Variants in TMOD4 observed in about 807,000 individuals in gnomAD.
TMOD4 encodes the protein tropomodulin 4.
A neutral mutation model predicts 45.4 loss-of-function variants in TMOD4; 34 were observed. The observed-to-expected ratio is 0.75, with a 90% CI of 0.57 to 1.00. The LOEUF is 1.00. Ranked by LOEUF, TMOD4 falls within the 50% of genes least tolerant of loss-of-function variation. The probability of loss-of-function intolerance (pLI) is 0.00; values close to 1 mark genes in which losing one functional copy is unlikely to be tolerated. For missense variants in TMOD4, 399 were observed against 437.5 expected (o/e 0.91, Z 0.78); for synonymous variants, 131 against 153.9 (o/e 0.85, Z 1.10).
rs58514865 is a variant in TMOD4 at position 151,174,170 on chromosome 1, T to C, written c.280+221A>G. Among the ~76,000 whole-genome samples the C allele has an allele frequency of 1.3e-4, 19 of 151,836 alleles. No homozygotes were observed. In the East Asian group the frequency reaches 3.3e-3, roughly 26 times the overall value. On this transcript the variant is annotated intron_variant, in intron 3 of 9. Coordinates refer to ENST00000295314, the MANE Select transcript of TMOD4 (RefSeq NM_013353.3). Reference sequence around the variant, plus strand: ...GGTGGAGCTTGCAGTGAGCCGAGACTGCACCACTGCACTCCAGCCTGGGCA... The same window carrying C: ...GGTGGAGCTTGCAGTGAGCCGAGACCGCACCACTGCACTCCAGCCTGGGCA...
chr1:151,171,928 C>A (rs958331424), intron 5 of TMOD4, among the ~76,000 whole-genome samples, 165 bp from the exon 6 acceptor site: 28 of 151,896 alleles, frequency 1.8e-4, no homozygotes, highest in African/African-American at 6.8e-4. Context: ...CCTTGACCTC[C>A]CGGGTTCAAG....
In TMOD4 at chr1:151,171,269, A is replaced by G. The variant is rs112395648; in HGVS notation, c.726+164T>C. 4.4e-3 allele frequency among the ~76,000 whole-genome samples: 665 copies of G among 152,216 alleles called. 6 individuals are homozygous for G. Among genetic ancestry groups the G allele is most frequent in the African/African-American group, 0.015 (630 of 41,500 alleles). Reference sequence around the variant, plus strand: ...CAGTGGGACTAGGGGTGTTAGAGAGAGTAGAGAGTTATGAGCCATAGCACT... The same window carrying G: ...CAGTGGGACTAGGGGTGTTAGAGAGGGTAGAGAGTTATGAGCCATAGCACT... On this transcript the variant is annotated intron_variant, in intron 7 of 9. Coordinates refer to ENST00000295314, the MANE Select transcript of TMOD4 (RefSeq NM_013353.3).
At chr1:151,171,834 TTTTC>T (rs895018410) in intron 5 of TMOD4, 71 bp from the exon 6 acceptor site, 12 of 1,518,296 alleles carry the variant, frequency 7.9e-6, no homozygotes, top group East Asian at 4.5e-5. Flanking sequence ...TTTTCTTTTC[TTTTC>T]TTTTTTTTTT....
Position 151,174,421 on chromosome 1 carries a change from C to T in TMOD4, c.250G>A (p.Asp84Asn). Residue 84 changes from aspartate (D) to asparagine (N), a missense_variant, in exon 3 of 10, where the codon GAC becomes AAC. Transcript: ENST00000295314. ...TTCTCGCCTGTGAAGGGCACCAAGTCATCACGCTCTTTGACTTCTAGTGCC... is the reference window on the plus strand; with the variant it reads ...TTCTCGCCTGTGAAGGGCACCAAGTTATCACGCTCTTTGACTTCTAGTGCC... ...QQALEVKERD[D>N]LVPFTGEKKG... 2 of 1,614,130 alleles carry T rather than the reference C, an allele frequency of 1.2e-6. No individual in the cohort carries two copies. The highest frequency in any genetic ancestry group is 1.7e-6 in the Non-Finnish European group (2 of 1,180,032).
Position 151,174,475 on chromosome 1 carries a change from CT to C in TMOD4, c.195del (p.Glu66ArgfsTer12). 6.2e-7 allele frequency: 1 copy of C among 1,614,212 alleles called. No individual in the cohort carries two copies. The highest frequency in any genetic ancestry group is 8.5e-7 in the Non-Finnish European group (1 of 1,180,042). ...TKKSPTGPLDREALLQYLEQQ... is the reference protein window; with the variant it reads ...TKKSPTGPLDXEALLQYLEQQ... ...TGCTCCAAGTACTGCAAAAGGGCCT[CT>C]CGGTCCAGTGGCCCCGTTGGGCTCT... On this transcript the variant is annotated frameshift_variant, in exon 3 of 10. Transcript: ENST00000295314. LOFTEE classifies it high-confidence loss of function.
chr1:151,171,151 C>A (rs758665217), intron 7 of TMOD4, 88 bp from the exon 8 acceptor site: 11 of 1,437,976 alleles, frequency 7.6e-6, no homozygotes, highest in Non-Finnish European at 1.1e-5. Context: ...GGAAACACAG[C>A]TCTTTGAGAA....
rs757595407 is a variant in TMOD4 at position 151,172,405 on chromosome 1, T to A, written c.398-48A>T. Reference sequence around the variant, plus strand: ...TCACAGGGAATGAGAAGGAACCTGTTCCAAGCCTCCCTCCTACCTATTTCT... The same window carrying A: ...TCACAGGGAATGAGAAGGAACCTGTACCAAGCCTCCCTCCTACCTATTTCT... On this transcript the variant is annotated intron_variant, in intron 4 of 9. Transcript: ENST00000295314. 7.1e-6 allele frequency: 10 copies of A among 1,406,828 alleles called. No homozygotes were observed. In the South Asian group the frequency reaches 1.2e-4, roughly 16 times the overall value. The allele number at this position is 1,406,828 out of a possible 1,614,324, so 87.1% of individuals were successfully genotyped here.
intron 5 of TMOD4, 70 bp from the exon 6 acceptor site, chr1:151,171,833 CTTTTCTTTTTTTTTT>C (rs1407883205): frequency 6.8e-7 from 1 of 1,468,470 alleles, no homozygotes; most frequent in Non-Finnish European, 9.0e-7. Context: ...GTTTTCTTTT[CTTTTCTTTTTTTTTT>C]TTTTTGAGAT....
intron 4 of TMOD4, among the ~76,000 whole-genome samples, chr1:151,172,614 C>T (rs1683993831): frequency 6.6e-6 from 1 of 152,140 alleles, no homozygotes; most frequent in Non-Finnish European, 1.5e-5. Context: ...AGAGACTCTC[C>T]TCTTTCAGCC....
chr1:151,172,183 T>C (rs1391389501), intron 5 of TMOD4, 85 bp downstream of exon 5: 1 of 1,131,418 alleles, frequency 8.8e-7, no homozygotes, highest in Non-Finnish European at 1.3e-6. Context: ...CCCAGAATCA[T>C]CAATTTCACC....
chr1:151,171,582 G>A lies in TMOD4; in HGVS notation c.619-42C>T, dbSNP rs587732992. On this transcript the variant is annotated intron_variant, in intron 6 of 9. Transcript: ENST00000295314. The stretch of plus-strand genomic sequence containing the variant: ...GGAGATGGTGGGCTAAGGGACTCTC[G>A]GATGTCAGTGGTTATCCGGTGTTAT... 130 of 1,614,088 alleles carry A rather than the reference G, an allele frequency of 8.1e-5. 4 individuals are homozygous for A. The South Asian group carries it at 1.3e-3, about 16-fold the overall frequency.
chr1:151,171,560 G>T lies in TMOD4; in HGVS notation c.619-20C>A. On this transcript the variant is annotated intron_variant, in intron 6 of 9. Transcript: ENST00000295314. The stretch of plus-strand genomic sequence containing the variant: ...GATGTCCTATCGGAGGGGAATAGGA[G>T]ATGGTGGGCTAAGGGACTCTCGGAT... 1.2e-6 allele frequency: 2 copies of T among 1,614,094 alleles called. No individual in the cohort carries two copies. Among genetic ancestry groups the T allele is most frequent in the Non-Finnish European group, 1.7e-6 (2 of 1,179,964 alleles).
intron 4 of TMOD4, 37 bp from the exon 5 acceptor site, chr1:151,172,394 A>C (rs1162153291): frequency 6.6e-7 from 1 of 1,509,504 alleles, no homozygotes; most frequent in East Asian, 2.3e-5. Flanking sequence ...AGGGAATGAG[A>C]AGGAACCTGT....
Position 151,171,683 on chromosome 1 carries a change from C to G in TMOD4, c.568G>C (p.Val190Leu). 6.2e-7 allele frequency: 1 copy of G among 1,614,064 alleles called. No homozygotes were observed. Among genetic ancestry groups the G allele is most frequent in the Non-Finnish European group, 8.5e-7 (1 of 1,180,004 alleles). ...PTNIEEILKR[V>L]RSNDKELEEV... ...TCCAGCTCCTTGTCATTGCTTCGGA[C>G]CCTCTTTAGTATCTCCTCAATGTTT... The change falls in exon 6 of 10, where the codon GTC becomes CTC. Residue 190 changes from valine to leucine, a missense_variant. Physicochemically the swap from Val to Leu is conservative, Grantham distance 32. Coordinates refer to ENST00000295314, the MANE Select transcript of TMOD4 (RefSeq NM_013353.3).
chr1:151,172,435 C>G (rs779446454), intron 4 of TMOD4, 78 bp from the exon 5 acceptor site: 1 of 1,192,758 alleles, frequency 8.4e-7, no homozygotes, highest in African/African-American at 1.5e-5. Flanking sequence ...ATTTCTGAAT[C>G]TGTTGCATTT....
Position 151,174,839 on chromosome 1 carries a change from C to A in TMOD4, c.37G>T (p.Asp13Tyr). Reference sequence around the variant, plus strand: ...CTTAGGATCTCATCTTCATCTATGTCTCTGTATTTCTCCAGTTCCTTCTGA... The same window carrying A: ...CTTAGGATCTCATCTTCATCTATGTATCTGTATTTCTCCAGTTCCTTCTGA... ...SYQKELEKYR[D>Y]IDEDEILRTL... Residue 13 changes from aspartate to tyrosine, a missense_variant, in exon 2 of 10, where the codon GAC (aspartate) becomes TAC (tyrosine). Coordinates refer to ENST00000295314, the MANE Select transcript of TMOD4 (RefSeq NM_013353.3). The A allele has an allele frequency of 6.2e-7, 1 of 1,614,214 alleles. No individual in the cohort carries two copies.
In TMOD4 at chr1:151,173,578, T is replaced by C; in HGVS notation, c.318A>G (p.Ala106=). The C allele has an allele frequency of 6.2e-7, 1 of 1,614,240 alleles. No individual in the cohort carries two copies. The highest frequency in any genetic ancestry group is 8.5e-7 in the Non-Finnish European group (1 of 1,180,032). Residue 106 remains alanine (A), a synonymous_variant, in exon 4 of 10, where the codon GCA becomes GCG. Coordinates refer to ENST00000295314, the MANE Select transcript of TMOD4 (RefSeq NM_013353.3). ...PYIQPKREIP[A]EEQITLEPEL... ...CAGGCTCCAGGGTGATCTGCTCCTC[T>C]GCTGGGATTTCCCTCTTGGGCTGAA...
At chr1:151,171,338 G>A in intron 7 of TMOD4, 95 bp downstream of exon 7, 1 of 1,180,906 alleles carries the variant, frequency 8.5e-7, no homozygotes, top group Non-Finnish European at 1.2e-6. Flanking sequence ...AAGGCATGAT[G>A]AGAATAGCAC....
intron 5 of TMOD4, 39 bp downstream of exon 5, chr1:151,172,229 C>G (rs1313765653): frequency 6.5e-7 from 1 of 1,532,992 alleles, no homozygotes. Flanking sequence ...GGACTGCCTG[C>G]CCAGAGCCCT....
Sources: gnomAD v4.1 joint callset for allele counts (sites outside exome capture counted in the v4.1 genomes callset) on GRCh38, gnomAD v4.1.1 for gene constraint, MANE v1.5 for transcripts, NCBI Gene and HGNC (gene_info 2026-07-23, HGNC 2026-07-21) for gene names.